NUP210: variants seen among roughly 807,000 people sequenced by gnomAD.
The protein encoded by NUP210 is nucleoporin 210.
NUP210 carries 151 observed loss-of-function variants against 196.0 expected under a neutral mutation model. The observed-to-expected ratio is 0.77, with a 90% CI of 0.67 to 0.88. NUP210 has a LOEUF of 0.88. Among genes scored for constraint, NUP210 ranks in the 40% least tolerant of loss-of-function variants. The probability of loss-of-function intolerance (pLI) is 0.00; values close to 1 mark genes in which losing one functional copy is unlikely to be tolerated. For missense variants in NUP210, 2,314 were observed against 2,493.7 expected (o/e 0.93, Z 1.53); for synonymous variants, 1,070 against 1,052.7 (o/e 1.02, Z -0.32).
At chr3:13,390,694 G>A (rs532445254) in intron 4 of NUP210, among the ~76,000 whole-genome samples, 3 of 152,334 alleles carry the variant, frequency 2.0e-5, no homozygotes, top group African/African-American at 4.8e-5. Flanking sequence ...ACAACTACTC[G>A]ATGGAGAGCA....
intron 1 of NUP210, among the ~76,000 whole-genome samples, chr3:13,413,855 T>C (rs1700257232): frequency 2.0e-5 from 3 of 152,242 alleles, no homozygotes; most frequent in African/African-American, 7.2e-5. Context: ...ATATGTTATA[T>C]ATATTTTACC....
At chr3:13,359,404 C>A (rs1021902732) in intron 15 of NUP210, among the ~76,000 whole-genome samples, 2 of 152,172 alleles carry the variant, frequency 1.3e-5, no homozygotes, top group Non-Finnish European at 2.9e-5. Context: ...TCTAAAACCA[C>A]CCCACTGGTG....
At position 13,319,809 on chromosome 3, in the gene NUP210, G is replaced by A; in HGVS notation, c.5337C>T (p.Ile1779=). 2.5e-6 allele frequency: 4 copies of A among 1,614,216 alleles called. No individual in the cohort carries two copies. The highest frequency in any genetic ancestry group is 3.4e-6 in the Non-Finnish European group (4 of 1,180,036). Residue 1779 remains isoleucine, a synonymous_variant, in exon 37 of 40, where the codon ATC becomes ATT. Coordinates refer to ENST00000254508, the MANE Select transcript of NUP210 (RefSeq NM_024923.4). ...SSPVTNQAIA[I]PVTVAFVVDR... Reference sequence around the variant, plus strand: ...CCACCACAAAAGCCACTGTCACTGGGATGGCAATGGCTTGGTTGGTCACGG... The same window carrying A: ...CCACCACAAAAGCCACTGTCACTGGAATGGCAATGGCTTGGTTGGTCACGG...
intron 1 of NUP210, among the ~76,000 whole-genome samples, chr3:13,402,819 C>T (rs1699882454): frequency 6.6e-6 from 1 of 152,230 alleles, no homozygotes; most frequent in Admixed American, 6.5e-5. Context: ...ACATGCCCTG[C>T]CCCATGCATA....
chr3:13,363,814 C>G (rs1486805972), intron 14 of NUP210, among the ~76,000 whole-genome samples: 1 of 152,200 alleles, frequency 6.6e-6, no homozygotes, highest in Non-Finnish European at 1.5e-5. Context: ...TCTACCTTAT[C>G]TTCATTGTTA....
intron 1 of NUP210, among the ~76,000 whole-genome samples, chr3:13,414,588 C>A (rs1314570341): frequency 6.6e-6 from 1 of 152,186 alleles, no homozygotes; most frequent in Non-Finnish European, 1.5e-5. Context: ...GCCCTGCCAA[C>A]CTCTCCACCC....
At chr3:13,342,585 TAAG>T (rs957118670) in intron 21 of NUP210, among the ~76,000 whole-genome samples, 1 of 152,190 alleles carries the variant, frequency 6.6e-6, no homozygotes, top group Non-Finnish European at 1.5e-5. Flanking sequence ...ATTAGCTTCT[TAAG>T]GAGCCTAAGC....
intron 1 of NUP210, 112 bp from the exon 2 acceptor site, chr3:13,399,973 A>G (rs1699781951): frequency 3.1e-6 from 4 of 1,310,754 alleles, no homozygotes; most frequent in Non-Finnish European, 4.2e-6. Flanking sequence ...ACCCAAAGAC[A>G]GAAGTGAGGT....
At position 13,360,482 on chromosome 3, in the gene NUP210, G is replaced by A. The variant is rs1698335595; in HGVS notation, c.1942C>T (p.Pro648Ser). Residue 648 changes from proline to serine, a missense_variant, in exon 15 of 40, where the codon CCC becomes TCC. By Grantham distance (74) the Pro-to-Ser change is moderately conservative. Transcript: ENST00000254508. ...AAYLPLKAVD[P>S]SSVALVTLGS... Reference sequence around the variant, plus strand: ...AGGGTTACCAAGGCAACAGAGGAGGGATCCACAGCCTGGGGACAGAAGAGG... The same window carrying A: ...AGGGTTACCAAGGCAACAGAGGAGGAATCCACAGCCTGGGGACAGAAGAGG... 6.2e-7 allele frequency: 1 copy of A among 1,608,986 alleles called. No homozygotes were observed. Among genetic ancestry groups the A allele is most frequent in the African/African-American group, 1.3e-5 (1 of 74,882 alleles).
intron 14 of NUP210, among the ~76,000 whole-genome samples, chr3:13,361,971 C>T (rs1423662515): frequency 6.6e-6 from 1 of 152,164 alleles, no homozygotes; most frequent in African/African-American, 2.4e-5. Context: ...CACTGGCCTC[C>T]AGAAAGCCCT....
chr3:13,318,112 G>A (rs1444724321), intron 39 of NUP210, among the ~76,000 whole-genome samples: 1 of 152,232 alleles, frequency 6.6e-6, no homozygotes, highest in Non-Finnish European at 1.5e-5. Context: ...CCTCGGGCAA[G>A]AGCGCCACAG....
chr3:13,344,906 C>T, intron 20 of NUP210: 2 of 984,990 alleles, frequency 2.0e-6, no homozygotes, highest in Non-Finnish European at 2.4e-6. Context: ...AGCGTCCTTC[C>T]TCAGAACAGT....
chr3:13,351,852 C>G (rs1697984911), intron 20 of NUP210, 27 bp downstream of exon 20: 2 of 1,462,530 alleles, frequency 1.4e-6, no homozygotes, highest in African/African-American at 1.4e-5. Flanking sequence ...TGAAAACCAA[C>G]AGTGGGGACC....
rs1697832324 is a variant in NUP210 at position 13,348,327 on chromosome 3, ACCT to A, written c.2835+3549_2835+3551del. On this transcript the variant is annotated intron_variant, in intron 20 of 39. Transcript: ENST00000254508. This position sits in a 1 kb window ranked among gnomAD's most constrained non-coding sequence, Gnocchi z 4.0. The stretch of plus-strand genomic sequence containing the variant: ...ACAGCGGCAGCCTAGTCCATCACCG[ACCT>A]CTAGGAACTCTTGTTCTTGGAGTAA... 1 of 966,474 alleles carries A rather than the reference ACCT, an allele frequency of 1.0e-6. No individual in the cohort carries two copies. Among genetic ancestry groups the A allele is most frequent in the Non-Finnish European group, 1.2e-6 (1 of 813,016 alleles). The allele number at this position is 966,474 out of a possible 1,614,324, so 59.9% of individuals were successfully genotyped here. A position where few individuals can be genotyped will look rare whatever the true frequency, so the allele number is the denominator to read the frequency against.
rs141124822 is a variant in NUP210, at chr3:13,335,543, C to T, written c.3754G>A (p.Gly1252Arg). 126 of 1,614,130 alleles carry T rather than the reference C, an allele frequency of 7.8e-5. 1 individual carries two copies. Among genetic ancestry groups the T allele is most frequent in the African/African-American group, 1.3e-4 (10 of 75,076 alleles). The change falls in exon 28 of 40, where the codon GGG becomes AGG. Residue 1252 changes from glycine to arginine, a missense_variant. Transcript: ENST00000254508. ...ACAGCCTTGACCACCACCCTCAGCCCGGTCCGGCCTTTTACCCGGCCGAGC... is the reference window on the plus strand; with the variant it reads ...ACAGCCTTGACCACCACCCTCAGCCTGGTCCGGCCTTTTACCCGGCCGAGC... ...NVLGRVKGRT[G>R]LRVVVKAVDP...
intron 13 of NUP210, among the ~76,000 whole-genome samples, chr3:13,368,670 G>A (rs187429803): frequency 7.9e-5 from 12 of 152,318 alleles, no homozygotes; most frequent in African/African-American, 2.9e-4. Flanking sequence ...ATACAAGTGG[G>A]ATCATAGAGT....
intron 27 of NUP210, 110 bp downstream of exon 27, chr3:13,336,677 T>C: frequency 8.1e-7 from 1 of 1,229,974 alleles, no homozygotes; most frequent in Non-Finnish European, 1.1e-6. Flanking sequence ...TCTCTAGGTG[T>C]GAGGGTGGGG....
intron 39 of NUP210, among the ~76,000 whole-genome samples, chr3:13,318,444 G>A (rs74849073): frequency 4.2e-4 from 64 of 152,230 alleles, no homozygotes; most frequent in East Asian, 2.5e-3. Context: ...CCCTGAAGCC[G>A]GTCCATGGGC....
At chr3:13,336,732 G>C (rs1697230696) in intron 27 of NUP210, 55 bp downstream of exon 27, 1 of 1,578,148 alleles carries the variant, frequency 6.3e-7, no homozygotes, top group Admixed American at 1.8e-5. Flanking sequence ...TGCCACTCGG[G>C]GTGCTGGCCT....
Sources: gnomAD v4.1 joint callset for allele counts (sites outside exome capture counted in the v4.1 genomes callset) on GRCh38, gnomAD v4.1.1 for gene constraint, Gnocchi (gnomAD v3.1) non-coding constraint, MANE v1.5 for transcripts, NCBI Gene and HGNC (gene_info 2026-07-23, HGNC 2026-07-21) for gene names.